PAQR3: variants seen among roughly 807,000 people sequenced by gnomAD.
PAQR3 encodes the protein Raf kinase trapping to Golgi.
A neutral mutation model predicts 41.7 loss-of-function variants in PAQR3; 39 were observed. The ratio of observed to expected loss-of-function variants is 0.93; its 90% confidence interval spans 0.72 to 1.22. PAQR3 has a LOEUF of 1.22. Among genes scored for constraint, PAQR3 ranks in the 50% most tolerant of loss-of-function variants. PAQR3 has a pLI of 0.00. For synonymous variants in PAQR3, 140 were observed against 140.6 expected, an observed-to-expected ratio of 1.00 and a Z score of 0.03; for missense variants, 366 against 385.6, an observed-to-expected ratio of 0.95 and a Z score of 0.42.
chr4:78,916,947 C>G lies in PAQR3; in HGVS notation c.*3592G>C, dbSNP rs1735140896. ...GGTTCATCCTATTTTTATGAATTAA[C>G]TTTTTCTGAAGTTGTAACATTTATC... On this transcript the variant is annotated 3_prime_UTR_variant, in exon 6 of 6. Coordinates refer to ENST00000512733, the MANE Select transcript of PAQR3 (RefSeq NM_001040202.2). 1 of 151,728 alleles carries G rather than the reference C, an allele frequency of 6.6e-6. No individual in the cohort carries two copies. Among genetic ancestry groups the G allele is most frequent in the South Asian group, 2.1e-4 (1 of 4,826 alleles). The allele number at this position is 151,728 out of a possible 1,614,324, so 9.4% of individuals were successfully genotyped here.
Position 78,939,316 on chromosome 4 carries a change from G to C in PAQR3, c.-92C>G. The C allele has an allele frequency of 8.0e-7, 1 of 1,254,182 alleles. No individual in the cohort carries two copies. The highest frequency in any genetic ancestry group is 2.8e-4 in the Middle Eastern group (1 of 3,560). The allele number at this position is 1,254,182 out of a possible 1,614,324, so 77.7% of individuals were successfully genotyped here. A position where few individuals can be genotyped will look rare whatever the true frequency, so the allele number is the denominator to read the frequency against. On this transcript the variant is annotated 5_prime_UTR_variant, in exon 1 of 6. Transcript: ENST00000512733. ...CTTCGCCGCTGGCGCCCCCGCCCCG[G>C]AGCCCGCGGACGCTGCGCGAGGTCC...
chr4:78,910,567 A>G, downstream of PAQR3: 1 of 1,403,048 alleles, frequency 7.1e-7, no homozygotes, highest in Non-Finnish European at 9.5e-7. Flanking sequence ...GAGGATTCTG[A>G]AATGCATTGG....
chr4:78,937,465 T>C (rs1218225310), intron 1 of PAQR3, among the ~76,000 whole-genome samples: 3 of 152,200 alleles, frequency 2.0e-5, no homozygotes, highest in African/African-American at 7.2e-5. Context: ...CACATCTTCG[T>C]ATTCTGTTCA....
In PAQR3 at chr4:78,913,673, TCA is replaced by T. The variant is rs1194383711; in HGVS notation, c.*6864_*6865del. The T allele has an allele frequency of 6.6e-6, 1 of 152,186 alleles. No homozygotes were observed. The highest frequency in any genetic ancestry group is 1.5e-5 in the Non-Finnish European group (1 of 67,988). 9.4% of individuals were successfully genotyped at this position (152,186 alleles called of 1,614,324 possible). A position where few individuals can be genotyped will look rare whatever the true frequency, so the allele number is the denominator to read the frequency against. ...AATGGGATAAGCTATTTGCCTATTTTCACAGTTCTGAACTTGGAAAGAAGCAA... is the reference window on the plus strand; with the variant it reads ...AATGGGATAAGCTATTTGCCTATTTTCAGTTCTGAACTTGGAAAGAAGCAA... On this transcript the variant is annotated 3_prime_UTR_variant, in exon 6 of 6. Transcript: ENST00000512733.
rs573203122 is a variant in PAQR3 at position 78,918,492 on chromosome 4, A to G, written c.*2047T>C. ...ATCATAGCAGTGAAAAAATGAGAGG[A>G]TAACTTTCTTACAATATTTAACATT... On this transcript the variant is annotated 3_prime_UTR_variant, in exon 6 of 6. Coordinates refer to ENST00000512733, the MANE Select transcript of PAQR3 (RefSeq NM_001040202.2). The G allele has an allele frequency of 6.4e-5, 62 of 961,570 alleles. No individual in the cohort carries two copies. The highest frequency in any genetic ancestry group is 7.3e-5 in the Non-Finnish European group (59 of 808,158). 59.6% of individuals were successfully genotyped at this position (961,570 alleles called of 1,614,324 possible).
rs1341662322 is a variant in PAQR3 at position 78,939,203 on chromosome 4, T to C, written c.22A>G (p.Ser8Gly). The change falls in exon 1 of 6, where the codon AGC becomes GGC. Residue 8 changes from serine (S) to glycine (G), a missense_variant. Ser to Gly is a moderately conservative substitution (Grantham distance 56). Transcript: ENST00000512733. Reference protein sequence around the residue: MHQKLLKSAHYIELGSYQ... With the variant: MHQKLLKGAHYIELGSYQ... The stretch of plus-strand genomic sequence containing the variant: ...CTGCCCAGCTCGATGTAATGCGCGC[T>C]CTTCAGCAGCTTCTGATGCATCGTT... 6.2e-7 allele frequency: 1 copy of C among 1,602,432 alleles called. No homozygotes were observed. The highest frequency in any genetic ancestry group is 1.7e-5 in the Admixed American group (1 of 58,680).
intron 11 of PAQR3, among the ~76,000 whole-genome samples, chr4:78,892,808 A>T (rs1410259387): frequency 6.6e-6 from 1 of 152,218 alleles, no homozygotes; most frequent in African/African-American, 2.4e-5. Context: ...AAATGTATAT[A>T]CCATAATTTA....
intron 11 of PAQR3, among the ~76,000 whole-genome samples, chr4:78,897,384 T>C (rs933884881): frequency 2.0e-5 from 3 of 152,154 alleles, no homozygotes; most frequent in African/African-American, 7.2e-5. Context: ...TAGTGCTGTT[T>C]TTAAAATGAT....
In PAQR3 at chr4:78,917,965, A is replaced by G. The variant is rs950661722; in HGVS notation, c.*2574T>C. On this transcript the variant is annotated 3_prime_UTR_variant, in exon 6 of 6. Coordinates refer to ENST00000512733, the MANE Select transcript of PAQR3 (RefSeq NM_001040202.2). ...TATTTAGTAAACCCAGTTTATTTAC[A>G]TAATACATATTTTGTCATGCAGCTT... 2.4e-5 allele frequency: 24 copies of G among 984,016 alleles called. No individual in the cohort carries two copies. The highest frequency in any genetic ancestry group is 1.2e-4 in the Admixed American group (2 of 16,204). The allele number at this position is 984,016 out of a possible 1,614,324, so 61.0% of individuals were successfully genotyped here. A position where few individuals can be genotyped will look rare whatever the true frequency, so the allele number is the denominator to read the frequency against.
In PAQR3 at chr4:78,919,915, TCTCTC is replaced by T; in HGVS notation, c.*619_*623del. 2 of 985,322 alleles carry T rather than the reference TCTCTC, an allele frequency of 2.0e-6. No individual in the cohort carries two copies. The highest frequency in any genetic ancestry group is 2.4e-6 in the Non-Finnish European group (2 of 829,556). 61.0% of individuals were successfully genotyped at this position (985,322 alleles called of 1,614,324 possible). On this transcript the variant is annotated 3_prime_UTR_variant, in exon 6 of 6. Transcript: ENST00000512733. Reference sequence around the variant, plus strand: ...AAGTTCTTTTCCTCTTCTCAACCCTTCTCTCAACTTACTGCAGAAGTTTAAAGCTT... The same window carrying T: ...AAGTTCTTTTCCTCTTCTCAACCCTTAACTTACTGCAGAAGTTTAAAGCTT...
rs1734956941 is a variant in PAQR3 at position 78,915,424 on chromosome 4, ATTTGT to A, written c.*5110_*5114del. 1 of 151,854 alleles carries A rather than the reference ATTTGT, an allele frequency of 6.6e-6. No homozygotes were observed. Among genetic ancestry groups the A allele is most frequent in the African/African-American group, 2.4e-5 (1 of 41,386 alleles). 9.4% of individuals were successfully genotyped at this position (151,854 alleles called of 1,614,324 possible). On this transcript the variant is annotated 3_prime_UTR_variant, in exon 6 of 6. Transcript: ENST00000512733. ...CACTAGTTTTGAGGCGCTTGGGTAC[ATTTGT>A]TTTTAATATATTTAGAATGTGCAGT...
intron 4 of PAQR3, among the ~76,000 whole-genome samples, chr4:78,926,235 A>C (rs1736206496): frequency 6.6e-6 from 1 of 152,192 alleles, no homozygotes; most frequent in South Asian, 2.1e-4. Flanking sequence ...CCTCCTCCAC[A>C]AATAAGGACT....
intron 2 of PAQR3, among the ~76,000 whole-genome samples, chr4:78,932,789 A>G (rs1473948681): frequency 2.0e-5 from 3 of 152,220 alleles, no homozygotes; most frequent in Non-Finnish European, 4.4e-5. Flanking sequence ...CCCAGATTTT[A>G]AAGTTAACCC....
Position 78,892,872 on chromosome 4 carries a change from G to A in PAQR3, c.*837-4724C>T, listed in dbSNP as rs1313548750. 2.6e-5 allele frequency among the ~76,000 whole-genome samples: 4 copies of A among 152,324 alleles called. No homozygotes were observed. The East Asian group carries it at 7.7e-4, about 29-fold the overall frequency. ...CAATCATCTGAACCTTCAGCTGGTT[G>A]TAATCTTTTTGCTGGTGGCAGGTCT... is the stretch of plus-strand genomic sequence containing the variant. On this transcript the variant is annotated intron_variant and NMD_transcript_variant, in intron 11 of 12. Transcript: ENST00000342820.
intron 11 of PAQR3, among the ~76,000 whole-genome samples, chr4:78,904,963 T>C (rs1734212652): frequency 6.6e-6 from 1 of 151,940 alleles, no homozygotes; most frequent in African/African-American, 2.4e-5. Flanking sequence ...ACATTCTTAG[T>C]AACTCTGTAC....
At position 78,917,856 on chromosome 4, in the gene PAQR3, A is replaced by G. The variant is rs1379846022; in HGVS notation, c.*2683T>C. ...TGGGATGCCATAAGATGTGACAGAC[A>G]TTCCCTGAATCTTCGTTCCTGATTC... On this transcript the variant is annotated 3_prime_UTR_variant, in exon 6 of 6. Transcript: ENST00000512733. 4.1e-6 allele frequency: 4 copies of G among 985,452 alleles called. No homozygotes were observed. The African/African-American group carries it at 5.2e-5, about 13-fold the overall frequency. 61.0% of individuals were successfully genotyped at this position (985,452 alleles called of 1,614,324 possible).
At chr4:78,899,897 A>T (rs994006787) in intron 11 of PAQR3, among the ~76,000 whole-genome samples, 1 of 152,190 alleles carries the variant, frequency 6.6e-6, no homozygotes, top group Non-Finnish European at 1.5e-5. Flanking sequence ...GAACAGAGAA[A>T]GGTAGGTAGG....
chr4:78,933,635 C>T (rs1737141180), intron 2 of PAQR3, among the ~76,000 whole-genome samples: 1 of 152,154 alleles, frequency 6.6e-6, no homozygotes, highest in Admixed American at 6.5e-5. Context: ...TGTATTGTAA[C>T]AATGATCATT....
chr4:78,888,087 G>A (rs1733201011), exon 12 of PAQR3: 1 of 152,180 alleles, frequency 6.6e-6, no homozygotes, highest in South Asian at 2.1e-4. Flanking sequence ...GAAGAATTGA[G>A]TGTTTAGGAT....
Sources: gnomAD v4.1 joint callset for allele counts (sites outside exome capture counted in the v4.1 genomes callset) on GRCh38, gnomAD v4.1.1 for gene constraint, MANE v1.5 for transcripts, NCBI Gene and HGNC (gene_info 2026-07-23, HGNC 2026-07-21) for gene names.